KIAA1328: variants seen among roughly 807,000 people sequenced by gnomAD.
The protein encoded by KIAA1328 is KIAA1328.
Under a neutral mutation model 68.1 loss-of-function variants are expected in KIAA1328, and 52 were observed. That is an observed-to-expected ratio of 0.76 (90% confidence interval 0.61 to 0.96). KIAA1328 has a LOEUF of 0.96. Ranked by LOEUF, KIAA1328 falls within the 40% of genes least tolerant of loss-of-function variation. KIAA1328 has a pLI of 0.00. For synonymous variants in KIAA1328, 232 were observed against 239.4 expected, an observed-to-expected ratio of 0.97 and a Z score of 0.28; for missense variants, 641 against 677.6, an observed-to-expected ratio of 0.95 and a Z score of 0.60.
intron 6 of KIAA1328, among the ~76,000 whole-genome samples, chr18:37,005,495 T>G (rs2053748710): frequency 6.6e-6 from 1 of 151,746 alleles, no homozygotes; most frequent in African/African-American, 2.4e-5. Context: ...ACTCTTATAC[T>G]GTTGGTGGGA....
At position 36,885,657 on chromosome 18, in the gene KIAA1328, A is replaced by G; in HGVS notation, c.433A>G (p.Ile145Val). 3 of 1,582,452 alleles carry G rather than the reference A, an allele frequency of 1.9e-6. No homozygotes were observed. Among genetic ancestry groups the G allele is most frequent in the Middle Eastern group, 1.7e-4 (1 of 5,968 alleles). ...GTTGGAAGAACAGAATGAACTGATC[A>G]TCAAAGAAAGGGAAGATATCCTTTT... Reference protein sequence around the residue: ...RQLEEQNELIIKEREALQLQY... With the variant: ...RQLEEQNELIVKEREALQLQY... The change falls in exon 5 of 10, where the codon ATC becomes GTC. Residue 145 changes from isoleucine (I) to valine (V), a missense_variant. By Grantham distance (29) the Ile-to-Val change is conservative. Transcript: ENST00000280020.
chr18:37,114,090 G>T (rs925330118), intron 7 of KIAA1328, among the ~76,000 whole-genome samples: 1 of 152,122 alleles, frequency 6.6e-6, no homozygotes, highest in Non-Finnish European at 1.5e-5. Flanking sequence ...GTCAACATTA[G>T]ACAGATCAAC....
intron 6 of KIAA1328, among the ~76,000 whole-genome samples, chr18:37,063,133 T>C (rs116452167): frequency 6.6e-6 from 1 of 151,968 alleles, no homozygotes; most frequent in East Asian, 1.9e-4. Context: ...TATCTGGAGC[T>C]CAAGGTCCTC....
intron 5 of KIAA1328, chr18:36,946,114 C>T (rs1185409345): frequency 6.6e-6 from 1 of 152,172 alleles, no homozygotes; most frequent in East Asian, 1.9e-4. Flanking sequence ...TCAACCTATA[C>T]TTCAGTAGTT....
At chr18:36,885,477 T>A (rs1242819376) in intron 4 of KIAA1328, 80 bp from the exon 5 acceptor site, 4 of 736,084 alleles carry the variant, frequency 5.4e-6, no homozygotes, top group Non-Finnish European at 8.5e-6. Context: ...GGAAGAAGTC[T>A]GGTTTTGTAA....
intron 9 of KIAA1328, among the ~76,000 whole-genome samples, chr18:37,220,799 C>T (rs1488450011): frequency 2.0e-5 from 3 of 152,128 alleles, no homozygotes; most frequent in Admixed American, 2.0e-4. Flanking sequence ...CTATGTGGTA[C>T]TCCAAACTGT....
chr18:36,888,940 T>G (rs995064253), intron 5 of KIAA1328, among the ~76,000 whole-genome samples: 6 of 152,200 alleles, frequency 3.9e-5, no homozygotes, highest in African/African-American at 1.4e-4. Context: ...TTTTTGGCAT[T>G]TTAAAGATGT....
In KIAA1328 at chr18:36,835,265, A is replaced by T; in HGVS notation, c.126A>T (p.Arg42Ser). The change falls in exon 3 of 10, where the codon AGA becomes AGT. Residue 42 changes from arginine (R) to serine (S), a missense_variant. Physicochemically the swap from Arg to Ser is moderately radical, Grantham distance 110 (BLOSUM62 -1). Transcript: ENST00000280020. ...CTGCTGAAGGAAATGTCAGATCAAG[A>T]CACAAGCTGATGAGTCCAAAAGCTG... ...GISAEGNVRSRHKLMSPKADV... is the reference protein window; with the variant it reads ...GISAEGNVRSSHKLMSPKADV... 1 of 1,613,212 alleles carries T rather than the reference A, an allele frequency of 6.2e-7. No homozygotes were observed. The highest frequency in any genetic ancestry group is 8.5e-7 in the Non-Finnish European group (1 of 1,179,512).
Position 37,067,550 on chromosome 18 carries a change from G to A in KIAA1328, c.1232+5G>A, listed in dbSNP as rs1489914958. ...GTCTCGACTGGATTACAATTGGTGAGTACTGCCTGTTCTTTTTTTTTTTTT... is the reference window on the plus strand; with the variant it reads ...GTCTCGACTGGATTACAATTGGTGAATACTGCCTGTTCTTTTTTTTTTTTT... On this transcript the variant is annotated splice_donor_5th_base_variant and intron_variant, in intron 7 of 9. Coordinates refer to ENST00000280020, the MANE Select transcript of KIAA1328 (RefSeq NM_020776.3). 2 of 1,474,534 alleles carry A rather than the reference G, an allele frequency of 1.4e-6. No individual in the cohort carries two copies. Among genetic ancestry groups the A allele is most frequent in the Non-Finnish European group, 8.9e-7 (1 of 1,120,936 alleles). The allele number at this position is 1,474,534 out of a possible 1,614,324, so 91.3% of individuals were successfully genotyped here.
At chr18:36,969,451 G>A (rs2052079430) in intron 6 of KIAA1328, among the ~76,000 whole-genome samples, 1 of 152,124 alleles carries the variant, frequency 6.6e-6, no homozygotes, top group Non-Finnish European at 1.5e-5. Flanking sequence ...AATGAAAAAG[G>A]GAATATTATC....
intron 1 of KIAA1328, among the ~76,000 whole-genome samples, chr18:36,830,900 A>C (rs1367052293): frequency 6.6e-6 from 1 of 152,252 alleles, no homozygotes; most frequent in African/African-American, 2.4e-5. Flanking sequence ...CTTTCCCCTC[A>C]GACTATTCCA....
At chr18:37,036,458 T>C (rs1336023143) in intron 6 of KIAA1328, among the ~76,000 whole-genome samples, 1 of 152,212 alleles carries the variant, frequency 6.6e-6, no homozygotes, top group African/African-American at 2.4e-5. Context: ...GTGAGACTGA[T>C]TGGTAGAAGC....
At chr18:37,194,256 CA>C (rs1460700021) in intron 9 of KIAA1328, among the ~76,000 whole-genome samples, 14 of 152,274 alleles carry the variant, frequency 9.2e-5, no homozygotes, top group African/African-American at 3.4e-4. Flanking sequence ...TATTTTCTGA[CA>C]CCTTTTACAA....
At chr18:37,142,156 G>A (rs908329466) in intron 7 of KIAA1328, among the ~76,000 whole-genome samples, 2 of 151,626 alleles carry the variant, frequency 1.3e-5, no homozygotes, top group South Asian at 2.1e-4. Context: ...TTTGTGTGTA[G>A]TATGAGGTAG....
chr18:37,116,289 C>T (rs1384792960), intron 7 of KIAA1328, among the ~76,000 whole-genome samples: 2 of 152,194 alleles, frequency 1.3e-5, no homozygotes, highest in Admixed American at 6.5e-5. Context: ...ACCAAAACAG[C>T]ATGGTACTGG....
chr18:37,061,084 C>A (rs2056129105), intron 6 of KIAA1328, among the ~76,000 whole-genome samples: 1 of 152,092 alleles, frequency 6.6e-6, no homozygotes, highest in Admixed American at 6.5e-5. Context: ...CACTGCACTC[C>A]AGCCTGGGCG....
chr18:37,223,722 G>C lies in KIAA1328; in HGVS notation c.*1495G>C, dbSNP rs139074124. ...ATTAAAACTAGATTATTTCAATCTA[G>C]AAAAGCCTTGTTGAGCAGCCTCCTT... is the stretch of plus-strand genomic sequence containing the variant. On this transcript the variant is annotated 3_prime_UTR_variant, in exon 10 of 10. Coordinates refer to ENST00000280020, the MANE Select transcript of KIAA1328 (RefSeq NM_020776.3). 1.2e-4 allele frequency: 117 copies of C among 985,376 alleles called. No individual in the cohort carries two copies. The Middle Eastern group carries it at 1.6e-3, about 13-fold the overall frequency. The allele number at this position is 985,376 out of a possible 1,614,324, so 61.0% of individuals were successfully genotyped here.
chr18:37,050,989 C>G (rs1238333207), intron 6 of KIAA1328, among the ~76,000 whole-genome samples: 2 of 152,090 alleles, frequency 1.3e-5, no homozygotes, highest in Non-Finnish European at 2.9e-5. Context: ...TTACAAATGA[C>G]TAAACATGCT....
At chr18:37,149,195 G>A (rs1461138732) in intron 7 of KIAA1328, among the ~76,000 whole-genome samples, 1 of 152,122 alleles carries the variant, frequency 6.6e-6, no homozygotes, top group Non-Finnish European at 1.5e-5. Flanking sequence ...AAACAGCATG[G>A]TACTGGTACA....
Sources: gnomAD v4.1 joint callset for allele counts (sites outside exome capture counted in the v4.1 genomes callset) on GRCh38, gnomAD v4.1.1 for gene constraint, MANE v1.5 for transcripts, NCBI Gene and HGNC (gene_info 2026-07-23, HGNC 2026-07-21) for gene names.